YIF1B: variants seen among roughly 807,000 people sequenced by gnomAD.
YIF1B encodes the protein protein YIF1B.
A neutral mutation model predicts 34.6 loss-of-function variants in YIF1B; 24 were observed. The ratio of observed to expected loss-of-function variants is 0.69; its 90% CI spans 0.50 to 0.98. The LOEUF is 0.98. Among genes scored for constraint, YIF1B ranks in the 50% least tolerant of loss-of-function variants. The pLI is 0.00. For synonymous variants in YIF1B, 186 were observed against 184.8 expected, an observed-to-expected ratio of 1.01 and a Z score of -0.05; for missense variants, 368 against 429.4, an observed-to-expected ratio of 0.86 and a Z score of 1.26.
chr19:38,318,193 CAAAAA>C (rs35748833), upstream of YIF1B, among the ~76,000 whole-genome samples: 8 of 29,898 alleles, frequency 2.7e-4, no homozygotes, highest in South Asian at 2.0e-3. Context: ...ACTCTTGTCT[CAAAAA>C]AAAAAAAAAA....
chr19:38,310,603 G>A (rs996858108), intron 1 of YIF1B, among the ~76,000 whole-genome samples: 1 of 152,062 alleles, frequency 6.6e-6, no homozygotes, highest in South Asian at 2.1e-4. Flanking sequence ...AGGAAGGGGG[G>A]GCTATTGGGC....
At chr19:38,314,028 CTT>C (rs1287963472) in intron 1 of YIF1B, among the ~76,000 whole-genome samples, 2 of 151,988 alleles carry the variant, frequency 1.3e-5, no homozygotes, top group African/African-American at 2.4e-5. Flanking sequence ...TTCTCTCTCT[CTT>C]TTTTTTCTTT....
rs1447693258 is a variant in YIF1B, at chr19:38,310,924, C to T, written c.59-1281G>A. Among the ~76,000 whole-genome samples the T allele has an allele frequency of 3.3e-5, 5 of 152,222 alleles. No individual in the cohort carries two copies. The East Asian group carries it at 5.8e-4, about 18-fold the overall frequency. ...CCCTGCTTCACTGATATCCATAGAACTCGGCACTAGCTGACATGCTGGCTG... is the reference window on the plus strand; with the variant it reads ...CCCTGCTTCACTGATATCCATAGAATTCGGCACTAGCTGACATGCTGGCTG... On this transcript the variant is annotated intron_variant, in intron 1 of 7. Transcript: ENST00000339413.
intron 1 of YIF1B, 164 bp downstream of exon 1, chr19:38,315,696 G>GC (rs745395346): frequency 4.4e-6 from 7 of 1,605,562 alleles, no homozygotes; most frequent in Non-Finnish European, 4.2e-6. Flanking sequence ...CTAAAGAATC[G>GC]CCCCCCAAGG....
At chr19:38,319,947 T>A (rs1293659510), upstream of YIF1B, 1 of 1,437,304 alleles carries the variant, frequency 7.0e-7, no homozygotes, top group Non-Finnish European at 9.0e-7. Flanking sequence ...TCCCGGTGGG[T>A]GCCATGCGGA....
In YIF1B at chr19:38,309,590, G is replaced by C. The variant is rs771405014; in HGVS notation, c.112C>G (p.Leu38Val). 43 of 1,598,748 alleles carry C rather than the reference G, an allele frequency of 2.7e-5. No homozygotes were observed. The highest frequency in any genetic ancestry group is 1.7e-4 in the Middle Eastern group (1 of 6,032). Residue 38 changes from leucine (L) to valine (V), a missense_variant, in exon 2 of 8, where the codon CTT becomes GTT. Physicochemically the swap from Leu to Val is conservative, Grantham distance 32 (BLOSUM62 1). Coordinates refer to ENST00000339413, the MANE Select transcript of YIF1B (RefSeq NM_001039672.3). ...TGGGCTGAACTTGTGTCATCGAAAA[G>C]CTGGTGGGGGTCGGCCATGCCCGGC... ...SQPGMADPHQ[L>V]FDDTSSAQSR...
chr19:38,309,432 C>A lies in YIF1B; in HGVS notation c.270G>T (p.Ala90=), dbSNP rs558809191. Residue 90 remains alanine, a synonymous_variant, in exon 2 of 8, where the codon GCG becomes GCT. Coordinates refer to ENST00000339413, the MANE Select transcript of YIF1B (RefSeq NM_001039672.3). The stretch of plus-strand genomic sequence containing the variant: ...TCTTATCCACCAGCTCCTTGCCCTG[C>A]GCGGCCAGGCTGCTCCCATAGGCCA... ...MAMAYGSSLA[A]QGKELVDKNI... 6.2e-7 allele frequency: 1 copy of A among 1,613,492 alleles called. No individual in the cohort carries two copies. The highest frequency in any genetic ancestry group is 1.7e-5 in the Admixed American group (1 of 59,998).
rs534098336 is a variant in YIF1B at position 38,310,187 on chromosome 19, CCCATCCATCCAT to C, written c.59-556_59-545del. Among the ~76,000 whole-genome samples, 22 of 143,704 alleles carry C rather than the reference CCCATCCATCCAT, an allele frequency of 1.5e-4. No individual in the cohort carries two copies. The East Asian group carries it at 4.6e-3, about 30-fold the overall frequency. 94.3% of individuals were successfully genotyped at this position (143,704 alleles called of 152,430 possible). A position where few individuals can be genotyped will look rare whatever the true frequency, so the allele number is the denominator to read the frequency against. On this transcript the variant is annotated intron_variant, in intron 1 of 7. Transcript: ENST00000339413. Reference sequence around the variant, plus strand: ...ATCAATCCATCCATTCATCCATCCACCCATCCATCCATCCATCCATCCACCTATCCAACCATC... The same window carrying C: ...ATCAATCCATCCATTCATCCATCCACCCATCCATCCACCTATCCAACCATC...
intron 1 of YIF1B, chr19:38,315,619 G>T (rs1266204857): frequency 9.1e-6 from 14 of 1,537,192 alleles, no homozygotes; most frequent in Admixed American, 2.0e-5. Context: ...GCAAATGAAT[G>T]AAAGTTGCAT....
intron 1 of YIF1B, chr19:38,315,583 G>T: frequency 6.7e-7 from 1 of 1,488,424 alleles, no homozygotes; most frequent in Non-Finnish European, 8.9e-7. Flanking sequence ...GAAGGGTGGG[G>T]AGCAGGGAAG....
Position 38,304,078 on chromosome 19 carries a change from C to T in YIF1B, c.*1274G>A. On this transcript the variant is annotated 3_prime_UTR_variant, in exon 8 of 8. Coordinates refer to ENST00000339413, the MANE Select transcript of YIF1B (RefSeq NM_001039672.3). Reference sequence around the variant, plus strand: ...GAAGCAGTCACCTGTCCATCTCCCCCACTTCTCACAGAGGAAATCCTGGGT... The same window carrying T: ...GAAGCAGTCACCTGTCCATCTCCCCTACTTCTCACAGAGGAAATCCTGGGT... 1.4e-6 allele frequency: 1 copy of T among 731,570 alleles called. No individual in the cohort carries two copies. The highest frequency in any genetic ancestry group is 2.2e-6 in the Non-Finnish European group (1 of 454,692). 45.3% of individuals were successfully genotyped at this position (731,570 alleles called of 1,614,324 possible).
At chr19:38,306,300 C>T (rs1271445193) in intron 7 of YIF1B, among the ~76,000 whole-genome samples, 1 of 151,730 alleles carries the variant, frequency 6.6e-6, no homozygotes, top group Non-Finnish European at 1.5e-5. Flanking sequence ...CAGCCTCAAC[C>T]TCCCAGACTC....
At chr19:38,319,807 C>A, upstream of YIF1B, 1 of 845,266 alleles carries the variant, frequency 1.2e-6, no homozygotes, top group Non-Finnish European at 1.7e-6. Flanking sequence ...CGCCGCCCCC[C>A]ACCTCCCCTT....
rs767655908 is a variant in YIF1B, at chr19:38,304,840, C to G, written c.*512G>C. ...TCTCTCCCATCCCTGCCCTCGGCCC[C>G]ACAGTCCCACGCTGCTGGCTCCAAG... On this transcript the variant is annotated 3_prime_UTR_variant, in exon 8 of 8. Coordinates refer to ENST00000339413, the MANE Select transcript of YIF1B (RefSeq NM_001039672.3). 30 of 1,613,596 alleles carry G rather than the reference C, an allele frequency of 1.9e-5. No homozygotes were observed. Among genetic ancestry groups the G allele is most frequent in the Non-Finnish European group, 2.4e-5 (28 of 1,179,978 alleles).
chr19:38,306,633 T>A, intron 7 of YIF1B: 2 of 246,452 alleles, frequency 8.1e-6, no homozygotes, highest in South Asian at 8.1e-5. Flanking sequence ...CACCTTGAGG[T>A]GCAAGTATCA....
upstream of YIF1B, among the ~76,000 whole-genome samples, chr19:38,316,569 T>C (rs748831019): frequency 4.6e-5 from 7 of 152,140 alleles, no homozygotes; most frequent in Non-Finnish European, 7.3e-5. Flanking sequence ...GTTTGGGTCA[T>C]TGAGAGCACT....
chr19:38,312,125 C>T (rs564675328), intron 1 of YIF1B, among the ~76,000 whole-genome samples: 1 of 151,202 alleles, frequency 6.6e-6, no homozygotes, highest in Admixed American at 6.6e-5. Flanking sequence ...CAAAACAAAA[C>T]AAAAAACGTG....
Position 38,304,596 on chromosome 19 carries a change from G to T in YIF1B, c.*756C>A. ...AACTTCAGGGGGCTGGGTAAGGGGCGCCGCCTCACTGCCGCACCTCCATCC... is the reference window on the plus strand; with the variant it reads ...AACTTCAGGGGGCTGGGTAAGGGGCTCCGCCTCACTGCCGCACCTCCATCC... On this transcript the variant is annotated 3_prime_UTR_variant, in exon 8 of 8. Coordinates refer to ENST00000339413, the MANE Select transcript of YIF1B (RefSeq NM_001039672.3). 2 of 1,612,696 alleles carry T rather than the reference G, an allele frequency of 1.2e-6. No individual in the cohort carries two copies. The highest frequency in any genetic ancestry group is 1.7e-6 in the Non-Finnish European group (2 of 1,179,728).
chr19:38,310,735 C>T (rs1454546353), intron 1 of YIF1B, among the ~76,000 whole-genome samples: 2 of 152,072 alleles, frequency 1.3e-5, no homozygotes, highest in Admixed American at 6.6e-5. Context: ...CAGGAAGGTG[C>T]CTGCCTCAAG....
Sources: gnomAD v4.1 joint callset for allele counts (sites outside exome capture counted in the v4.1 genomes callset) on GRCh38, gnomAD v4.1.1 for gene constraint, MANE v1.5 for transcripts, NCBI Gene and HGNC (gene_info 2026-07-23, HGNC 2026-07-21) for gene names.